Variants in HTD2 observed in about 807,000 individuals in gnomAD.
HTD2 encodes the protein hydroxyacyl-thioester dehydratase type 2.
In HTD2, 1 loss-of-function variant was observed where a neutral mutation model predicts 3.1. The ratio of observed to expected loss-of-function variants is 0.32; its 90% confidence interval spans 0.11 to 1.52. The LOEUF (loss-of-function observed/expected upper bound fraction) is 1.52, where lower values mean the gene tolerates loss of function less well. HTD2 is among the 40% of genes most tolerant of loss of function. HTD2 has a pLI of 0.39. For synonymous variants in HTD2, 50 were observed against 28.9 expected (o/e 1.73, Z -2.34); for missense variants, 150 against 79.6 (o/e 1.88, Z -3.36).
chr3:58,319,217 A>C lies in HTD2; in HGVS notation c.*1097A>C, dbSNP rs1384165168. ...CAGTATCTGAGTCAGAGTTTATTGTAATTTGTTATTTACACCAAGGTGGCA... is the reference window on the plus strand; with the variant it reads ...CAGTATCTGAGTCAGAGTTTATTGTCATTTGTTATTTACACCAAGGTGGCA... On this transcript the variant is annotated 3_prime_UTR_variant, in exon 5 of 5. Coordinates refer to ENST00000461393, the MANE Select transcript of HTD2 (RefSeq NM_001348712.2). The C allele has an allele frequency of 6.6e-6, 1 of 152,170 alleles. No homozygotes were observed. Among genetic ancestry groups the C allele is most frequent in the African/African-American group, 2.4e-5 (1 of 41,448 alleles). The allele number at this position is 152,170 out of a possible 1,614,324, so 9.4% of individuals were successfully genotyped here.
chr3:58,318,335 TG>T lies in HTD2; in HGVS notation c.*218del, dbSNP rs777076869. The T allele has an allele frequency of 2.3e-6, 1 of 430,472 alleles. No individual in the cohort carries two copies. Among genetic ancestry groups the T allele is most frequent in the Non-Finnish European group, 4.1e-6 (1 of 244,706 alleles). 26.7% of individuals were successfully genotyped at this position (430,472 alleles called of 1,614,324 possible). On this transcript the variant is annotated 3_prime_UTR_variant, in exon 5 of 5. Coordinates refer to ENST00000461393, the MANE Select transcript of HTD2 (RefSeq NM_001348712.2). Reference sequence around the variant, plus strand: ...TGTATGCAGGATTTCATTATCTGCCTGGGTTTTTTGTTTGTTTTTTGTTTTT... The same window carrying T: ...TGTATGCAGGATTTCATTATCTGCCTGGTTTTTTGTTTGTTTTTTGTTTTT...
chr3:58,310,465 A>G (rs1306118777), intron 1 of HTD2, 42 bp from the exon 2 acceptor site: 1 of 1,595,652 alleles, frequency 6.3e-7, no homozygotes, highest in Non-Finnish European at 8.5e-7. Context: ...ATCTGAATAG[A>G]ATGAAATTTA....
Position 58,318,068 on chromosome 3 carries a change from C to CT in HTD2, c.456dup (p.Val153CysfsTer7). 1.5e-6 allele frequency: 1 copy of CT among 685,624 alleles called. No individual in the cohort carries two copies. The allele number at this position is 685,624 out of a possible 1,614,324, so 42.5% of individuals were successfully genotyped here. On this transcript the variant is annotated frameshift_variant, in exon 5 of 5. Coordinates refer to ENST00000461393, the MANE Select transcript of HTD2 (RefSeq NM_001348712.2). LOFTEE classifies it high-confidence loss of function. ...TGTTCTGTAATAGAAAGTAAAAAGA[C>CT]TGTTATGGAAGGCTGGGTTAAAGTT...
intron 2 of HTD2, among the ~76,000 whole-genome samples, chr3:58,312,369 C>T (rs1008685569): frequency 2.4e-5 from 3 of 123,832 alleles, no homozygotes; most frequent in East Asian, 3.0e-4. Flanking sequence ...AAGTGATTCT[C>T]CTGCCTCAGC....
intron 2 of HTD2, among the ~76,000 whole-genome samples, chr3:58,312,825 G>T (rs1000635913): frequency 2.6e-5 from 4 of 152,086 alleles, no homozygotes; most frequent in Non-Finnish European, 4.4e-5. Flanking sequence ...GCTGGGCATG[G>T]TGGCGCACGC....
chr3:58,312,708 C>T (rs2097483648), intron 2 of HTD2, among the ~76,000 whole-genome samples: 1 of 152,052 alleles, frequency 6.6e-6, no homozygotes, highest in African/African-American at 2.4e-5. Flanking sequence ...CTCCTATAAT[C>T]CCAGCTCTTC....
chr3:58,316,420 G>A (rs2097488329), intron 2 of HTD2, 95 bp from the exon 3 acceptor site: 1 of 1,113,194 alleles, frequency 9.0e-7, no homozygotes, highest in African/African-American at 1.5e-5. Flanking sequence ...CTTATGTGGA[G>A]GAGAAAAGCT....
At position 58,318,874 on chromosome 3, in the gene HTD2, C is replaced by T. The variant is rs1249393426; in HGVS notation, c.*754C>T. The T allele has an allele frequency of 6.6e-6, 1 of 152,054 alleles. No homozygotes were observed. Among genetic ancestry groups the T allele is most frequent in the Non-Finnish European group, 1.5e-5 (1 of 68,086 alleles). 9.4% of individuals were successfully genotyped at this position (152,054 alleles called of 1,614,324 possible). A position where few individuals can be genotyped will look rare whatever the true frequency, so the allele number is the denominator to read the frequency against. On this transcript the variant is annotated 3_prime_UTR_variant, in exon 5 of 5. Coordinates refer to ENST00000461393, the MANE Select transcript of HTD2 (RefSeq NM_001348712.2). ...ACTAACCGGGCATGGTGGCGGGCACCTGTAATCCCAGCTACTTGGGAGGCT... is the reference window on the plus strand; with the variant it reads ...ACTAACCGGGCATGGTGGCGGGCACTTGTAATCCCAGCTACTTGGGAGGCT...
At chr3:58,307,387 C>G (rs573254701) in intron 1 of HTD2, among the ~76,000 whole-genome samples, 1 of 152,160 alleles carries the variant, frequency 6.6e-6, no homozygotes, top group South Asian at 2.1e-4. Flanking sequence ...AGATTTATTA[C>G]TAATAGGTCA....
chr3:58,319,994 G>A lies in HTD2; in HGVS notation c.*1874G>A, dbSNP rs935395947. ...GCAGTCAATCCATTTCTCTCCTCCAGTCTTTGGGAATCACCAGTCTACTTT... is the reference window on the plus strand; with the variant it reads ...GCAGTCAATCCATTTCTCTCCTCCAATCTTTGGGAATCACCAGTCTACTTT... On this transcript the variant is annotated 3_prime_UTR_variant, in exon 5 of 5. Transcript: ENST00000461393. 2.0e-4 allele frequency: 31 copies of A among 152,122 alleles called. No homozygotes were observed. The highest frequency in any genetic ancestry group is 7.5e-4 in the African/African-American group (31 of 41,416). 9.4% of individuals were successfully genotyped at this position (152,122 alleles called of 1,614,324 possible).
At chr3:58,311,281 G>T (rs2097481973) in intron 2 of HTD2, among the ~76,000 whole-genome samples, 1 of 151,976 alleles carries the variant, frequency 6.6e-6, no homozygotes, top group African/African-American at 2.4e-5. Flanking sequence ...TAGCCCCCCT[G>T]GTAGCTGAGA....
At chr3:58,309,230 C>A (rs952436770) in intron 1 of HTD2, among the ~76,000 whole-genome samples, 3 of 152,166 alleles carry the variant, frequency 2.0e-5, no homozygotes, top group Non-Finnish European at 4.4e-5. Flanking sequence ...TCCTTTATGT[C>A]TTTTCTTTTT....
Position 58,317,688 on chromosome 3 carries a change from G to A in HTD2, c.75G>A (p.Val25=), listed in dbSNP as rs772742673. The change falls in exon 5 of 5, where the codon GTG becomes GTA. Residue 25 remains valine, a synonymous_variant. Transcript: ENST00000461393. ...GGACAGTCTGTCTGAACCTGCCAGT[G>A]CTGACCCTGCAGCACTTTCAGCATA... ...LRRTVCLNLP[V]LTLQHFQHMH... 5.7e-6 allele frequency: 4 copies of A among 704,888 alleles called. No homozygotes were observed. Among genetic ancestry groups the A allele is most frequent in the Admixed American group, 2.0e-5 (1 of 50,036 alleles). The allele number at this position is 704,888 out of a possible 1,614,324, so 43.7% of individuals were successfully genotyped here. A position where few individuals can be genotyped will look rare whatever the true frequency, so the allele number is the denominator to read the frequency against.
chr3:58,314,675 A>ATTTTTTTTTTTTTTTTTTTTTTTTT (rs751757663), intron 2 of HTD2, among the ~76,000 whole-genome samples: 11 of 90,560 alleles, frequency 1.2e-4, no homozygotes, highest in Non-Finnish European at 1.6e-4. Flanking sequence ...GTTTGGCAGT[A>ATTTTTTTTTTTTTTTTTTTTTTTTT]TTTTTTTTTT....
Position 58,317,433 on chromosome 3 carries a change from C to T in HTD2, c.-174-7C>T, listed in dbSNP as rs747048867. The T allele has an allele frequency of 9.5e-6, 15 of 1,586,394 alleles. No homozygotes were observed. Among genetic ancestry groups the T allele is most frequent in the Non-Finnish European group, 8.6e-6 (10 of 1,157,022 alleles). On this transcript the variant is annotated splice_polypyrimidine_tract_variant and splice_region_variant and intron_variant, in intron 4 of 4. Transcript: ENST00000461393. ...CCAATGCCTTAACCTTTTTCTTTCT[C>T]TTCTAGGTTTCTCCATTTCTTCTTG...
rs1163449116 is a variant in HTD2 at position 58,319,854 on chromosome 3, C to G, written c.*1734C>G. The G allele has an allele frequency of 1.3e-5, 2 of 152,024 alleles. No individual in the cohort carries two copies. The highest frequency in any genetic ancestry group is 2.9e-5 in the Non-Finnish European group (2 of 68,014). The allele number at this position is 152,024 out of a possible 1,614,324, so 9.4% of individuals were successfully genotyped here. ...GATATAATTCACATACCATAAAATT[C>G]ACCTTTTAAAAGTGTACAGTTTAGT... On this transcript the variant is annotated 3_prime_UTR_variant, in exon 5 of 5. Coordinates refer to ENST00000461393, the MANE Select transcript of HTD2 (RefSeq NM_001348712.2).
At position 58,317,821 on chromosome 3, in the gene HTD2, G is replaced by A. The variant is rs1163763013; in HGVS notation, c.208G>A (p.Glu70Lys). 1.4e-6 allele frequency: 1 copy of A among 703,050 alleles called. No homozygotes were observed. The allele number at this position is 703,050 out of a possible 1,614,324, so 43.6% of individuals were successfully genotyped here. A position where few individuals can be genotyped will look rare whatever the true frequency, so the allele number is the denominator to read the frequency against. The change falls in exon 5 of 5, where the codon GAA becomes AAA. Residue 70 changes from glutamate to lysine, a missense_variant. Physicochemically the swap from Glu to Lys is moderately conservative, Grantham distance 56. Coordinates refer to ENST00000461393, the MANE Select transcript of HTD2 (RefSeq NM_001348712.2). Reference protein sequence around the residue: ...TGDVNPLHLNEDFAKHTKFGN... With the variant: ...TGDVNPLHLNKDFAKHTKFGN... The stretch of plus-strand genomic sequence containing the variant: ...GGATGTCAATCCTTTGCATTTGAAT[G>A]AAGACTTTGCAAAACACACCAAGTT...
intron 1 of HTD2, chr3:58,310,016 A>T (rs1431838236): frequency 3.5e-6 from 1 of 286,678 alleles, no homozygotes; most frequent in Non-Finnish European, 6.6e-6. Flanking sequence ...CCTGGGCAAC[A>T]TGGTGAAACC....
intron 2 of HTD2, among the ~76,000 whole-genome samples, chr3:58,310,931 A>G (rs1384717902): frequency 6.7e-6 from 1 of 150,194 alleles, no homozygotes; most frequent in Non-Finnish European, 1.5e-5. Context: ...TCTGTCACAA[A>G]AAAAAAAATC....
Sources: allele counts gnomAD v4.1 joint callset (sites outside exome capture counted in the v4.1 genomes callset), GRCh38; gene constraint gnomAD v4.1.1; transcripts MANE v1.5; gene names NCBI Gene and HGNC (gene_info 2026-07-23, HGNC 2026-07-21).